The following TAFA5 variants were observed in gnomAD, a reference collection of about 807,000 sequenced individuals.
The protein encoded by TAFA5 is chemokine-like protein TAFA-5.
Under a neutral mutation model 15.3 loss-of-function variants are expected in TAFA5, and 6 were observed. That is an observed-to-expected ratio of 0.39 (90% CI 0.21 to 0.77). The LOEUF (loss-of-function observed/expected upper bound fraction) is 0.77, where lower values mean the gene tolerates loss of function less well. TAFA5 is among the 30% of genes least tolerant of loss of function. The pLI is 0.41. For missense variants in TAFA5, 161 were observed against 193.1 expected (o/e 0.83, Z 0.98); for synonymous variants, 103 against 80.7 (o/e 1.28, Z -1.48).
chr22:48,502,232 T>C lies in TAFA5; in HGVS notation c.112+12528T>C, dbSNP rs375242622. The stretch of plus-strand genomic sequence containing the variant: ...CTGGTTGACCTGCAAACAAATCTGC[T>C]TGGAGCTTTGTTGAGGCCGATGGTC... On this transcript the variant is annotated intron_variant, in intron 1 of 3. Transcript: ENST00000402357. Among the ~76,000 whole-genome samples the C allele has an allele frequency of 1.2e-3, 178 of 152,324 alleles. 4 individuals are homozygous for C. The South Asian group carries it at 0.036, about 31-fold the overall frequency.
intron 2 of TAFA5, among the ~76,000 whole-genome samples, chr22:48,678,528 G>T (rs764209435): frequency 6.6e-6 from 1 of 152,202 alleles, no homozygotes; most frequent in Non-Finnish European, 1.5e-5. Context: ...AGTTCTGGAT[G>T]AGCCTGGAGA....
intron 1 of TAFA5, among the ~76,000 whole-genome samples, chr22:48,523,801 G>A (rs924230545): frequency 6.6e-6 from 1 of 152,326 alleles, no homozygotes; most frequent in Non-Finnish European, 1.5e-5. Context: ...AGGCCAGGCA[G>A]ACACAAGGCC....
At chr22:48,625,293 C>T (rs947908393) in intron 1 of TAFA5, among the ~76,000 whole-genome samples, 3 of 152,130 alleles carry the variant, frequency 2.0e-5, no homozygotes, top group Non-Finnish European at 4.4e-5. Context: ...CGTGTGTAAC[C>T]ACCATATCTA....
At chr22:48,682,398 G>T (rs1928220127) in intron 2 of TAFA5, among the ~76,000 whole-genome samples, 1 of 152,190 alleles carries the variant, frequency 6.6e-6, no homozygotes, top group Admixed American at 6.5e-5. Context: ...GGGAACATCT[G>T]CCCCTCCACC....
chr22:48,646,679 C>T lies in TAFA5; in HGVS notation c.195C>T (p.Thr65=), dbSNP rs201493326. ...CTCGGAGGACGATCGCCCGGCAGACCGCCCGCTGTGCGTGTAGAAAGGGGC... is the reference window on the plus strand; with the variant it reads ...CTCGGAGGACGATCGCCCGGCAGACTGCCCGCTGTGCGTGTAGAAAGGGGC... ...SQPRRTIARQ[T]ARCACRKGQI... Residue 65 remains threonine, a synonymous_variant, in exon 2 of 4, where the codon ACC becomes ACT. Transcript: ENST00000402357. 69 of 1,611,174 alleles carry T rather than the reference C, an allele frequency of 4.3e-5. No homozygotes were observed. The highest frequency in any genetic ancestry group is 1.7e-4 in the Middle Eastern group (1 of 6,056).
chr22:48,703,177 C>T (rs969973850), intron 2 of TAFA5, among the ~76,000 whole-genome samples: 6 of 151,956 alleles, frequency 3.9e-5, no homozygotes, highest in African/African-American at 1.2e-4. Context: ...TGCCTGCATG[C>T]CTTTGCGTGT....
At chr22:48,630,404 G>A (rs1026567104) in intron 1 of TAFA5, among the ~76,000 whole-genome samples, 1 of 152,188 alleles carries the variant, frequency 6.6e-6, no homozygotes, top group African/African-American at 2.4e-5. Context: ...AAGGAGGCTT[G>A]CTCCACTGCT....
At chr22:48,635,226 G>T (rs1044225375) in intron 1 of TAFA5, among the ~76,000 whole-genome samples, 2 of 152,346 alleles carry the variant, frequency 1.3e-5, no homozygotes, top group African/African-American at 2.4e-5. Flanking sequence ...CCAGGGCTGG[G>T]TCTGAGAGGT....
chr22:48,673,414 G>A (rs1296727553), intron 2 of TAFA5, among the ~76,000 whole-genome samples: 6 of 152,154 alleles, frequency 3.9e-5, no homozygotes, highest in South Asian at 2.1e-4. Context: ...CTGTCTCGTC[G>A]CTTTCTGGAC....
chr22:48,542,435 TGTG>T (rs1922452194), intron 1 of TAFA5, among the ~76,000 whole-genome samples: 1 of 112,590 alleles, frequency 8.9e-6, no homozygotes, highest in African/African-American at 3.7e-5. Context: ...ATGTGTGTGG[TGTG>T]TGTGTGGTGT....
chr22:48,608,124 C>A (rs28487571), intron 1 of TAFA5, among the ~76,000 whole-genome samples: 79,575 of 151,208 alleles, frequency 0.53, 21,361 homozygotes, highest in South Asian at 0.62. Flanking sequence ...CGGCCCCGGG[C>A]TGCCAGACCC....
At chr22:48,616,787 C>T (rs1420777060) in intron 1 of TAFA5, among the ~76,000 whole-genome samples, 7 of 152,190 alleles carry the variant, frequency 4.6e-5, no homozygotes, top group African/African-American at 7.2e-5. Context: ...TGCCCAGCTC[C>T]GAAGGCTGCG....
rs937994952 is a variant in TAFA5 at position 48,550,805 on chromosome 22, C to T, written c.112+61101C>T. ...AAGCTTTCTCTGACCTTCTTGTTCT[C>T]GGGAAAGAGCGGTGCCTCCAGGATT... On this transcript the variant is annotated intron_variant, in intron 1 of 3. Coordinates refer to ENST00000402357, the MANE Select transcript of TAFA5 (RefSeq NM_001082967.3). This position sits in a 1 kb window ranked among gnomAD's most constrained non-coding sequence, Gnocchi z 4.1. Among the ~76,000 whole-genome samples the T allele has an allele frequency of 9.2e-5, 14 of 152,168 alleles. No individual in the cohort carries two copies. The East Asian group carries it at 1.4e-3, about 15-fold the overall frequency.
At chr22:48,666,819 G>C (rs1034797626) in intron 2 of TAFA5, among the ~76,000 whole-genome samples, 1 of 152,200 alleles carries the variant, frequency 6.6e-6, no homozygotes, top group Admixed American at 6.5e-5. Context: ...CCGCATGTCT[G>C]CTGTGTGGGC....
At chr22:48,542,022 C>A (rs2147119608) in intron 1 of TAFA5, among the ~76,000 whole-genome samples, 1 of 152,186 alleles carries the variant, frequency 6.6e-6, no homozygotes, top group South Asian at 2.1e-4. Context: ...GTTCTTGTCA[C>A]CCGGGTGTTC....
chr22:48,734,435 C>T (rs1929951692), intron 3 of TAFA5, among the ~76,000 whole-genome samples: 2 of 152,234 alleles, frequency 1.3e-5, no homozygotes, highest in African/African-American at 4.8e-5. Flanking sequence ...AATTCAGTCT[C>T]GGGCGTCAAA....
chr22:48,589,222 A>T lies in TAFA5; in HGVS notation c.113-57375A>T, dbSNP rs371557729. Among the ~76,000 whole-genome samples, 22 of 152,286 alleles carry T rather than the reference A, an allele frequency of 1.4e-4. No homozygotes were observed. The East Asian group carries it at 3.3e-3, about 23-fold the overall frequency. On this transcript the variant is annotated intron_variant, in intron 1 of 3. Transcript: ENST00000402357. ...ATTGAGTACCTGCTGTATGCCGGACATGGGCTGCTTGCTGGCGGAAGGTGG... is the reference window on the plus strand; with the variant it reads ...ATTGAGTACCTGCTGTATGCCGGACTTGGGCTGCTTGCTGGCGGAAGGTGG...
chr22:48,744,177 G>A (rs1199512036), intron 3 of TAFA5, among the ~76,000 whole-genome samples: 1 of 152,144 alleles, frequency 6.6e-6, no homozygotes, highest in African/African-American at 2.4e-5. Flanking sequence ...CCCTAAGGAC[G>A]ATGCTGGCTC....
At position 48,541,137 on chromosome 22, in the gene TAFA5, G is replaced by A. The variant is rs1601565426; in HGVS notation, c.112+51433G>A. On this transcript the variant is annotated intron_variant, in intron 1 of 3. Transcript: ENST00000402357. ...CTTCTCAAGACTTTGCGCCTCCTGG[G>A]TGTGTGCACTGGACCCAGAGACACC... 2.0e-5 allele frequency among the ~76,000 whole-genome samples: 3 copies of A among 152,128 alleles called. No homozygotes were observed. In the South Asian group the frequency reaches 6.2e-4, roughly 32 times the overall value.
Sources: gnomAD v4.1 joint callset for allele counts (sites outside exome capture counted in the v4.1 genomes callset) on GRCh38, gnomAD v4.1.1 for gene constraint, Gnocchi (gnomAD v3.1) non-coding constraint, MANE v1.5 for transcripts, NCBI Gene and HGNC (gene_info 2026-07-23, HGNC 2026-07-21) for gene names.